ARHGAP6: variants seen among roughly 807,000 people sequenced by gnomAD.
ARHGAP6 encodes rho GTPase-activating protein 6.
ARHGAP6 carries 16 observed loss-of-function variants against 55.7 expected under a neutral mutation model. The observed-to-expected ratio is 0.29, with a 90% CI of 0.19 to 0.44. The LOEUF is 0.44. Among genes scored for constraint, ARHGAP6 ranks in the 20% least tolerant of loss-of-function variants. The pLI, the probability that ARHGAP6 is intolerant of heterozygous loss-of-function variation, is 1.00. For synonymous variants in ARHGAP6, 382 were observed against 360.9 expected (o/e 1.06, Z -0.66); for missense variants, 698 against 808.9 (o/e 0.86, Z 1.66).
At chrX:11,377,803 A>T (rs778198375) in intron 1 of ARHGAP6, among the ~76,000 whole-genome samples, 3 of 111,712 alleles carry the variant, frequency 2.7e-5, no homozygotes, top group Non-Finnish European at 5.6e-5. Flanking sequence ...AAGGATGGCA[A>T]CTGGAAGGGA....
At chrX:11,168,350 C>T (rs1052923664) in intron 9 of ARHGAP6, among the ~76,000 whole-genome samples, 9 of 112,256 alleles carry the variant, frequency 8.0e-5, no homozygotes, top group African/African-American at 1.9e-4. Context: ...AATACTTTCA[C>T]GTATCAAATG....
intron 1 of ARHGAP6, among the ~76,000 whole-genome samples, chrX:11,520,943 G>C (rs1340115371): frequency 8.9e-6 from 1 of 112,142 alleles, no homozygotes; most frequent in Non-Finnish European, 1.9e-5. Flanking sequence ...TGTGTCTGTT[G>C]ACTGCATAAA....
intron 1 of ARHGAP6, among the ~76,000 whole-genome samples, chrX:11,552,752 T>C (rs189460898): frequency 3.8e-5 from 4 of 105,468 alleles, no homozygotes; most frequent in African/African-American, 6.9e-5. Context: ...ATGATATCAA[T>C]TTATATGTGA....
intron 1 of ARHGAP6, among the ~76,000 whole-genome samples, chrX:11,269,434 GAAT>G (rs2047667797): frequency 9.0e-6 from 1 of 111,646 alleles, no homozygotes; most frequent in African/African-American, 3.2e-5. Flanking sequence ...TTCAGATTTT[GAAT>G]AATATATAGC....
intron 1 of ARHGAP6, among the ~76,000 whole-genome samples, chrX:11,309,229 C>T (rs948262460): frequency 8.9e-6 from 1 of 111,853 alleles, no homozygotes; most frequent in African/African-American, 3.3e-5. Context: ...GAAATACACA[C>T]ACCGTATCTT....
chrX:11,194,347 T>C (rs773319574), intron 3 of ARHGAP6, among the ~76,000 whole-genome samples: 143 of 111,858 alleles, frequency 1.3e-3, no homozygotes, highest in Non-Finnish European at 2.3e-3. Context: ...GTGAGTATCC[T>C]AGTTAATATG....
At chrX:11,514,124 T>C in intron 1 of ARHGAP6, among the ~76,000 whole-genome samples, 1 of 92,871 alleles carries the variant, frequency 1.1e-5, no homozygotes, top group Admixed American at 1.4e-4. Context: ...ATTTTGCCAT[T>C]GTACTCTAGC....
At chrX:11,430,083 A>G (rs1390126757) in intron 1 of ARHGAP6, among the ~76,000 whole-genome samples, 1 of 112,132 alleles carries the variant, frequency 8.9e-6, no homozygotes, top group Admixed American at 9.4e-5. Flanking sequence ...TTTAATTATG[A>G]ATATATTTAA....
chrX:11,598,613 G>C (rs770856761), intron 1 of ARHGAP6, among the ~76,000 whole-genome samples: 22 of 112,474 alleles, frequency 2.0e-4, no homozygotes, highest in Non-Finnish European at 3.9e-4. Flanking sequence ...TTAGTTTTCT[G>C]TTCCTATGTT....
rs201522023 is a variant in ARHGAP6, at chrX:11,621,709, AT to A, written c.588+42531del. 1.3e-4 allele frequency among the ~76,000 whole-genome samples: 14 copies of A among 110,306 alleles called. No homozygotes were observed. The South Asian group carries it at 1.5e-3, about 12-fold the overall frequency. Reference sequence around the variant, plus strand: ...TAAAATTTAGAACTTATGTTTAGAGATTTTTTTTTAATGAAGAACGGTATTT... The same window carrying A: ...TAAAATTTAGAACTTATGTTTAGAGATTTTTTTTAATGAAGAACGGTATTT... On this transcript the variant is annotated intron_variant, in intron 1 of 12. Coordinates refer to ENST00000337414, the MANE Select transcript of ARHGAP6 (RefSeq NM_013427.3).
intron 1 of ARHGAP6, among the ~76,000 whole-genome samples, chrX:11,558,163 A>G (rs2051340662): frequency 8.9e-6 from 1 of 112,005 alleles, no homozygotes; most frequent in Non-Finnish European, 1.9e-5. Flanking sequence ...GAGGAGCTGT[A>G]GTATGTCCTC....
intron 1 of ARHGAP6, among the ~76,000 whole-genome samples, chrX:11,638,834 C>T (rs2052444118): frequency 8.9e-6 from 1 of 111,966 alleles, no homozygotes; most frequent in African/African-American, 3.2e-5. Flanking sequence ...AGTGTATTCA[C>T]TAGTAAAAGT....
chrX:11,185,197 AAG>A (rs1193829267), intron 5 of ARHGAP6, among the ~76,000 whole-genome samples: 2 of 101,065 alleles, frequency 2.0e-5, no homozygotes, highest in Non-Finnish European at 4.1e-5. Flanking sequence ...TGTATAGAGA[AAG>A]AGATGTATAT....
At chrX:11,441,800 T>C (rs5935064) in intron 1 of ARHGAP6, among the ~76,000 whole-genome samples, 13,699 of 110,277 alleles carry the variant, frequency 0.12, 788 homozygotes, top group Admixed American at 0.21. Flanking sequence ...GAGGCTGCAT[T>C]GAGATCACCT....
At chrX:11,596,079 C>T (rs901289942) in intron 1 of ARHGAP6, among the ~76,000 whole-genome samples, 7 of 111,940 alleles carry the variant, frequency 6.3e-5, no homozygotes, top group African/African-American at 2.3e-4. Flanking sequence ...AGGGTATGTA[C>T]CCAAAGGATT....
intron 1 of ARHGAP6, among the ~76,000 whole-genome samples, chrX:11,314,487 T>C (rs1042193059): frequency 8.9e-6 from 1 of 112,617 alleles, no homozygotes; most frequent in Non-Finnish European, 1.9e-5. Flanking sequence ...AAATTTGCAA[T>C]AGATATCCAG....
intron 10 of ARHGAP6, among the ~76,000 whole-genome samples, chrX:11,148,381 G>T (rs1005311593): frequency 1.8e-5 from 2 of 111,281 alleles, no homozygotes; most frequent in Admixed American, 9.5e-5. Flanking sequence ...CAGAATGTTG[G>T]GTGAATGAGT....
intron 2 of ARHGAP6, among the ~76,000 whole-genome samples, chrX:11,212,545 G>T (rs1382337973): frequency 8.9e-6 from 1 of 112,290 alleles, no homozygotes; most frequent in Non-Finnish European, 1.9e-5. Flanking sequence ...CTCCCTGTGT[G>T]TTTCACACAT....
intron 1 of ARHGAP6, among the ~76,000 whole-genome samples, chrX:11,616,810 A>G (rs185299162): frequency 1.8e-5 from 2 of 111,699 alleles, no homozygotes; most frequent in East Asian, 5.6e-4. Flanking sequence ...TGCTCCTGGA[A>G]TCTAGTGGTA....
Sources: allele counts gnomAD v4.1 joint callset (sites outside exome capture counted in the v4.1 genomes callset), GRCh38; gene constraint gnomAD v4.1.1; transcripts MANE v1.5; gene names NCBI Gene and HGNC (gene_info 2026-07-23, HGNC 2026-07-21).